Variants in MCOLN2 observed in about 807,000 individuals in gnomAD.
MCOLN2 encodes mucolipin TRP cation channel 2, also known as mucolipin-2.
In MCOLN2, 57 loss-of-function variants were observed where a neutral mutation model predicts 67.5. The ratio of observed to expected loss-of-function variants is 0.84; its 90% confidence interval spans 0.68 to 1.05. The LOEUF is 1.05. Ranked by LOEUF, MCOLN2 falls within the 50% of genes least tolerant of loss-of-function variation. The probability of loss-of-function intolerance (pLI) is 0.00; values close to 1 mark genes in which losing one functional copy is unlikely to be tolerated. For synonymous variants in MCOLN2, 246 were observed against 233.3 expected, an observed-to-expected ratio of 1.05 and a Z score of -0.50; for missense variants, 620 against 678.8, an observed-to-expected ratio of 0.91 and a Z score of 0.96.
At chr1:84,984,234 A>C (rs2102882282) in intron 1 of MCOLN2, among the ~76,000 whole-genome samples, 1 of 152,258 alleles carries the variant, frequency 6.6e-6, no homozygotes, top group East Asian at 1.9e-4. Flanking sequence ...TCATCATTCC[A>C]ACTATTTTCC....
intron 4 of MCOLN2, among the ~76,000 whole-genome samples, chr1:84,956,154 G>GAA (rs10666635): frequency 0.35 from 52,837 of 149,048 alleles, 9,631 homozygotes; most frequent in African/African-American, 0.44. Context: ...CCTTCATAGG[G>GAA]AAAAAAAAAC....
chr1:84,934,120 G>A (rs1647301303), intron 11 of MCOLN2, among the ~76,000 whole-genome samples: 1 of 152,152 alleles, frequency 6.6e-6, no homozygotes, highest in African/African-American at 2.4e-5. Context: ...CCCCTGGAAA[G>A]CAGGTACTAC....
rs1026900709 is a variant in MCOLN2 at position 84,929,933 on chromosome 1, T to TTAA, written c.1543-255_1543-254insTTA. ...AGAAGAGCCAGGGAGAGGTTTTTTT[T>TTAA]AAAAAAAAAAAAGGTAATGAAGGAA... On this transcript the variant is annotated intron_variant, in intron 12 of 13. Transcript: ENST00000370608. 8.3e-3 allele frequency: 1,611 copies of TTAA among 195,108 alleles called. 30 individuals carry two copies. Among genetic ancestry groups the TTAA allele is most frequent in the African/African-American group, 0.036 (1,521 of 41,698 alleles). The allele number at this position is 195,108 out of a possible 1,614,324, so 12.1% of individuals were successfully genotyped here.
chr1:84,987,200 CTATCTATCTATATA>C (rs140643975), intron 1 of MCOLN2, among the ~76,000 whole-genome samples: 22,914 of 137,924 alleles, frequency 0.17, 1,897 homozygotes, highest in East Asian at 0.26. Flanking sequence ...ATCTATCTAT[CTATCTATCTATATA>C]TATGGCATAT....
At chr1:84,969,973 G>T (rs1016322462) in intron 1 of MCOLN2, among the ~76,000 whole-genome samples, 1 of 152,284 alleles carries the variant, frequency 6.6e-6, no homozygotes, top group Non-Finnish European at 1.5e-5. Flanking sequence ...CGCATTGAGG[G>T]AGGCATTTCC....
chr1:84,985,794 G>C (rs1650477528), intron 1 of MCOLN2, among the ~76,000 whole-genome samples: 1 of 152,172 alleles, frequency 6.6e-6, no homozygotes, highest in African/African-American at 2.4e-5. Flanking sequence ...AATCATAGAT[G>C]ACACAAACAA....
chr1:84,929,905 C>A (rs1052633508), intron 12 of MCOLN2: 11 of 318,294 alleles, frequency 3.5e-5, no homozygotes, highest in South Asian at 1.7e-4. Context: ...AGAAAGAAAG[C>A]AGAGAAGAGC....
chr1:84,946,626 A>C (rs931747045), intron 7 of MCOLN2, among the ~76,000 whole-genome samples: 1 of 152,326 alleles, frequency 6.6e-6, no homozygotes. Flanking sequence ...CAGTGCTCAA[A>C]TGTTTCAAAT....
At chr1:84,972,205 C>T (rs1056760255) in intron 1 of MCOLN2, among the ~76,000 whole-genome samples, 4 of 152,036 alleles carry the variant, frequency 2.6e-5, no homozygotes, top group African/African-American at 4.8e-5. Flanking sequence ...GTAACTGTAC[C>T]GTAAAACCAC....
intron 1 of MCOLN2, among the ~76,000 whole-genome samples, chr1:84,977,100 C>T (rs182817231): frequency 9.3e-5 from 14 of 151,156 alleles, no homozygotes; most frequent in African/African-American, 3.4e-4. Context: ...GTTGGGGAGA[C>T]GATGTTAAGG....
chr1:84,949,516 C>T (rs1648299597), intron 6 of MCOLN2, among the ~76,000 whole-genome samples: 1 of 152,136 alleles, frequency 6.6e-6, no homozygotes, highest in Non-Finnish European at 1.5e-5. Context: ...TGGCAGGTGC[C>T]TGTAGTCCCA....
Position 84,996,874 on chromosome 1 carries a change from C to T in MCOLN2, c.-2G>A, listed in dbSNP as rs149504313. 2,629 of 1,613,932 alleles carry T rather than the reference C, an allele frequency of 1.6e-3. 6 individuals are homozygous for T. Among genetic ancestry groups the T allele is most frequent in the Non-Finnish European group, 2.1e-3 (2,508 of 1,179,812 alleles). On this transcript the variant is annotated 5_prime_UTR_variant, in exon 1 of 14. Coordinates refer to ENST00000370608, the MANE Select transcript of MCOLN2 (RefSeq NM_153259.4). ...AAAACGATAAGGCTGCCGGGCCATGCCTCCTCCTTCAAAACTTTCCAGGGC... is the reference window on the plus strand; with the variant it reads ...AAAACGATAAGGCTGCCGGGCCATGTCTCCTCCTTCAAAACTTTCCAGGGC...
chr1:84,971,661 ACT>A (rs1649694105), intron 1 of MCOLN2, among the ~76,000 whole-genome samples: 2 of 151,900 alleles, frequency 1.3e-5, no homozygotes, highest in Non-Finnish European at 1.5e-5. Context: ...GAAATAAAAC[ACT>A]CTTTTATTTA....
intron 1 of MCOLN2, among the ~76,000 whole-genome samples, chr1:84,971,560 A>G (rs1406053901): frequency 1.3e-5 from 2 of 151,734 alleles, no homozygotes; most frequent in South Asian, 2.1e-4. Flanking sequence ...TCTTATTGCT[A>G]TAACAAAAAT....
chr1:84,986,830 G>A (rs1412253863), intron 1 of MCOLN2, among the ~76,000 whole-genome samples: 1 of 152,070 alleles, frequency 6.6e-6, no homozygotes, highest in African/African-American at 2.4e-5. Flanking sequence ...ACCACAATGT[G>A]ATACCACCTC....
intron 1 of MCOLN2, among the ~76,000 whole-genome samples, chr1:84,981,791 T>C (rs113425671): frequency 1.2e-4 from 18 of 152,216 alleles, no homozygotes; most frequent in African/African-American, 3.6e-4. Context: ...AATTGTACAT[T>C]TAAAAATAAT....
intron 11 of MCOLN2, chr1:84,937,462 C>T (rs619501): frequency 0.56 from 221,279 of 393,830 alleles, 63,826 homozygotes; most frequent in African/African-American, 0.75. Flanking sequence ...AGTGATCTCA[C>T]GTCCAAACAT....
At chr1:84,935,251 A>C (rs1431758698) in intron 11 of MCOLN2, among the ~76,000 whole-genome samples, 1 of 152,342 alleles carries the variant, frequency 6.6e-6, no homozygotes, top group South Asian at 2.1e-4. Flanking sequence ...AACCAGACTG[A>C]CGTTCTCTCC....
chr1:84,973,583 T>C (rs115696596), intron 1 of MCOLN2, among the ~76,000 whole-genome samples: 81 of 152,282 alleles, frequency 5.3e-4, no homozygotes, highest in African/African-American at 1.9e-3. Flanking sequence ...TTCATGGTGG[T>C]ACCCCCATTG....
Sources: gnomAD v4.1 joint callset for allele counts (sites outside exome capture counted in the v4.1 genomes callset) on GRCh38, gnomAD v4.1.1 for gene constraint, MANE v1.5 for transcripts, NCBI Gene and HGNC (gene_info 2026-07-23, HGNC 2026-07-21) for gene names.